Variants in GNAQ observed in about 807,000 individuals in gnomAD.
GNAQ encodes the protein G protein subunit alpha q.
In GNAQ, 8 loss-of-function variants were observed where a neutral mutation model predicts 43.9. The observed-to-expected ratio is 0.18, with a 90% confidence interval of 0.11 to 0.33. The LOEUF (loss-of-function observed/expected upper bound fraction) is 0.33. Among genes scored for constraint, GNAQ ranks in the 10% least tolerant of loss-of-function variants. The probability of loss-of-function intolerance (pLI) is 1.00; values close to 1 mark genes in which losing one functional copy is unlikely to be tolerated. For synonymous variants in GNAQ, 155 were observed against 170.7 expected, an observed-to-expected ratio of 0.91 and a Z score of 0.71; for missense variants, 158 against 450.8, an observed-to-expected ratio of 0.35 and a Z score of 5.88.
At chr9:77,881,623 G>A (rs1828208678) in intron 2 of GNAQ, among the ~76,000 whole-genome samples, 1 of 152,072 alleles carries the variant, frequency 6.6e-6, no homozygotes, top group South Asian at 2.1e-4. Flanking sequence ...ACTTCAATCT[G>A]TCCCTCAACC....
At chr9:77,833,578 G>T (rs1372762470) in intron 2 of GNAQ, among the ~76,000 whole-genome samples, 1 of 152,186 alleles carries the variant, frequency 6.6e-6, no homozygotes, top group Non-Finnish European at 1.5e-5. Flanking sequence ...AAAGACAAAT[G>T]TATCCTAGGC....
At chr9:77,908,879 G>A in intron 2 of GNAQ, among the ~76,000 whole-genome samples, 1 of 152,176 alleles carries the variant, frequency 6.6e-6, no homozygotes, top group East Asian at 1.9e-4. Context: ...GCATTTTAAT[G>A]AGAGCCTCAC....
intron 1 of GNAQ, among the ~76,000 whole-genome samples, chr9:77,941,863 C>T (rs1037130437): frequency 6.7e-6 from 1 of 149,616 alleles, no homozygotes; most frequent in African/African-American, 2.5e-5. Context: ...CATATGTAAA[C>T]CTCATACCAG....
At chr9:77,763,982 G>T (rs962159708) in intron 5 of GNAQ, among the ~76,000 whole-genome samples, 1 of 152,210 alleles carries the variant, frequency 6.6e-6, no homozygotes, top group Non-Finnish European at 1.5e-5. Flanking sequence ...GGATTTTGGG[G>T]AATGTTTAGT....
intron 2 of GNAQ, among the ~76,000 whole-genome samples, chr9:77,830,119 A>G (rs1247266826): frequency 6.6e-6 from 1 of 152,018 alleles, no homozygotes; most frequent in Non-Finnish European, 1.5e-5. Context: ...TGGCTGACTA[A>G]TTTCTGAATT....
chr9:77,975,705 A>C (rs1823292658), intron 1 of GNAQ, among the ~76,000 whole-genome samples: 1 of 151,806 alleles, frequency 6.6e-6, no homozygotes, highest in South Asian at 2.1e-4. Flanking sequence ...ATGCCCAGCT[A>C]ATTTCTGTAT....
At chr9:77,798,042 C>CT (rs943282478) in intron 3 of GNAQ, among the ~76,000 whole-genome samples, 1 of 151,866 alleles carries the variant, frequency 6.6e-6, no homozygotes. Flanking sequence ...GTCAGAATGC[C>CT]TTTTTTTTCT....
In GNAQ at chr9:77,966,332, C is replaced by CA. The variant is rs1437752406; in HGVS notation, c.137-43988dup. Among the ~76,000 whole-genome samples the CA allele has an allele frequency of 4.0e-5, 6 of 151,790 alleles. No individual in the cohort carries two copies. In the South Asian group the frequency reaches 8.3e-4, roughly 21 times the overall value. On this transcript the variant is annotated intron_variant, in intron 1 of 6. Coordinates refer to ENST00000286548, the MANE Select transcript of GNAQ (RefSeq NM_002072.5). ...AGCTTACTGAGTATCAATTACATCG[C>CA]AAAAAAACTGTTATTACAAAATGTT...
intron 5 of GNAQ, among the ~76,000 whole-genome samples, chr9:77,738,986 T>C (rs909518697): frequency 1.3e-5 from 2 of 152,202 alleles, no homozygotes; most frequent in African/African-American, 4.8e-5. Context: ...TTTATAACCT[T>C]GTACACAGGA....
chr9:77,952,355 T>C (rs1822992090), intron 1 of GNAQ, among the ~76,000 whole-genome samples: 1 of 143,936 alleles, frequency 6.9e-6, no homozygotes, highest in Admixed American at 6.9e-5. Flanking sequence ...GTATGTTGAA[T>C]CCATAATATT....
chr9:77,984,049 CAAAAAAAAAAA>C (rs72279886), intron 1 of GNAQ, among the ~76,000 whole-genome samples: 7,760 of 68,180 alleles, frequency 0.11, 358 homozygotes, highest in South Asian at 0.16. Flanking sequence ...TTTTGGAGAG[CAAAAAAAAAAA>C]AAAAAAAAAA....
chr9:77,971,679 A>C (rs779645876), intron 1 of GNAQ, among the ~76,000 whole-genome samples: 3 of 152,244 alleles, frequency 2.0e-5, no homozygotes, highest in Non-Finnish European at 4.4e-5. Flanking sequence ...TATCATACTG[A>C]ATGGGCAAAA....
At chr9:77,997,265 T>C (rs1823581120) in intron 1 of GNAQ, among the ~76,000 whole-genome samples, 1 of 152,216 alleles carries the variant, frequency 6.6e-6, no homozygotes, top group Admixed American at 6.5e-5. Context: ...AAGGCCTCCA[T>C]ATTGTACAGT....
intron 2 of GNAQ, among the ~76,000 whole-genome samples, chr9:77,904,771 C>A (rs1341138676): frequency 6.6e-6 from 1 of 152,108 alleles, no homozygotes; most frequent in Non-Finnish European, 1.5e-5. Context: ...AATGCTGAAC[C>A]ACATCAACAT....
At chr9:77,941,800 TAAATA>T (rs1001538056) in intron 1 of GNAQ, among the ~76,000 whole-genome samples, 2 of 152,062 alleles carry the variant, frequency 1.3e-5, no homozygotes, top group African/African-American at 4.8e-5. Context: ...TACGTTTAAC[TAAATA>T]AAACTGTTGA....
At chr9:77,870,240 G>A (rs986975254) in intron 2 of GNAQ, among the ~76,000 whole-genome samples, 5 of 151,464 alleles carry the variant, frequency 3.3e-5, no homozygotes, top group African/African-American at 4.9e-5. Context: ...TTAGTTATGC[G>A]ATATTGATAT....
intron 1 of GNAQ, among the ~76,000 whole-genome samples, chr9:77,949,179 T>C (rs191576550): frequency 3.3e-5 from 5 of 152,080 alleles, no homozygotes; most frequent in Non-Finnish European, 4.4e-5. Flanking sequence ...GCGGCAAAAC[T>C]GGTATGTGAA....
chr9:77,725,373 T>C (rs2118205213), intron 6 of GNAQ, among the ~76,000 whole-genome samples: 1 of 152,210 alleles, frequency 6.6e-6, no homozygotes, highest in Non-Finnish European at 1.5e-5. Flanking sequence ...AAGTGTGAAA[T>C]TTATAATACT....
At chr9:77,961,756 T>G (rs1360325460) in intron 1 of GNAQ, among the ~76,000 whole-genome samples, 1 of 152,106 alleles carries the variant, frequency 6.6e-6, no homozygotes, top group Admixed American at 6.5e-5. Flanking sequence ...TTCAAAGGAA[T>G]CCAAAATATC....
Sources: gnomAD v4.1 joint callset for allele counts (sites outside exome capture counted in the v4.1 genomes callset) on GRCh38, gnomAD v4.1.1 for gene constraint, MANE v1.5 for transcripts, NCBI Gene and HGNC (gene_info 2026-07-23, HGNC 2026-07-21) for gene names.